CCDC7: variants seen among roughly 807,000 people sequenced by gnomAD.
CCDC7 encodes coiled-coil domain-containing protein 7.
Under a neutral mutation model 196.9 loss-of-function variants are expected in CCDC7, and 183 were observed. The ratio of observed to expected loss-of-function variants is 0.93; its 90% confidence interval spans 0.82 to 1.05. CCDC7 has a LOEUF of 1.05. Among genes scored for constraint, CCDC7 ranks in the 50% least tolerant of loss-of-function variants. CCDC7 has a pLI of 0.00. For missense variants in CCDC7, 1,540 were observed against 1,482.2 expected, an observed-to-expected ratio of 1.04 and a Z score of -0.64; for synonymous variants, 525 against 484.6, an observed-to-expected ratio of 1.08 and a Z score of -1.10.
At chr10:32,661,675 A>G (rs922168744) in intron 20 of CCDC7, among the ~76,000 whole-genome samples, 3 of 152,200 alleles carry the variant, frequency 2.0e-5, no homozygotes, top group Non-Finnish European at 4.4e-5. Context: ...AGTGTCATCC[A>G]GGAACTAAGG....
At chr10:32,729,988 T>A (rs2083684797) in intron 28 of CCDC7, among the ~76,000 whole-genome samples, 1 of 152,352 alleles carries the variant, frequency 6.6e-6, no homozygotes, top group Admixed American at 6.5e-5. Context: ...TATACTCTTT[T>A]TAAAATCAGC....
At chr10:32,749,246 A>G (rs1207792376) in intron 28 of CCDC7, among the ~76,000 whole-genome samples, 2 of 152,156 alleles carry the variant, frequency 1.3e-5, no homozygotes, top group Non-Finnish European at 2.9e-5. Flanking sequence ...ATGGAGTGAC[A>G]GTTTCTGAGA....
chr10:32,578,100 G>T (rs765510371), intron 16 of CCDC7, among the ~76,000 whole-genome samples: 1 of 152,162 alleles, frequency 6.6e-6, no homozygotes, highest in African/African-American at 2.4e-5. Flanking sequence ...TTGTTTTTAG[G>T]ATGCCTAGAC....
intron 18 of CCDC7, among the ~76,000 whole-genome samples, chr10:32,603,934 C>T (rs75673869): frequency 0.015 from 2,260 of 152,150 alleles, 45 homozygotes; most frequent in African/African-American, 0.052. Context: ...TTCTGCTGGG[C>T]AGAAGCTTTT....
chr10:32,652,409 C>G (rs781639180), intron 20 of CCDC7, among the ~76,000 whole-genome samples: 7 of 151,990 alleles, frequency 4.6e-5, no homozygotes, highest in Non-Finnish European at 8.8e-5. Context: ...CTTTAACATT[C>G]ATGGTTATTA....
intron 9 of CCDC7, among the ~76,000 whole-genome samples, chr10:32,508,820 A>T (rs1244487880): frequency 6.6e-6 from 1 of 151,564 alleles, no homozygotes; most frequent in Non-Finnish European, 1.5e-5. Context: ...TTTAGTAGAG[A>T]CGGGGTTTTA....
intron 28 of CCDC7, among the ~76,000 whole-genome samples, chr10:32,742,417 G>A (rs1031774934): frequency 2.6e-5 from 4 of 152,172 alleles, no homozygotes; most frequent in Non-Finnish European, 5.9e-5. Context: ...ACAAATGTGT[G>A]ATGACATGTA....
intron 18 of CCDC7, among the ~76,000 whole-genome samples, chr10:32,620,154 C>T (rs2063247060): frequency 6.6e-6 from 1 of 152,106 alleles, no homozygotes; most frequent in South Asian, 2.1e-4. Context: ...ATCTCCTGGC[C>T]TCAAATGATC....
chr10:32,764,980 C>CA (rs1297690422), intron 28 of CCDC7, among the ~76,000 whole-genome samples: 1 of 151,032 alleles, frequency 6.6e-6, no homozygotes, highest in African/African-American at 2.4e-5. Flanking sequence ...GTTGAAGTGA[C>CA]ACAAATGGTC....
rs145829589 is a variant in CCDC7 at position 32,797,841 on chromosome 10, C to G, written c.3014-7174C>G. 2.4e-3 allele frequency among the ~76,000 whole-genome samples: 369 copies of G among 152,176 alleles called. 2 individuals are homozygous for G. Among genetic ancestry groups the G allele is most frequent in the African/African-American group, 8.5e-3 (352 of 41,514 alleles). ...GTTGATTCAGAGCATATACAGCCTTCTGGAGAACTTTGCCCCAGCCCTGTA... is the reference window on the plus strand; with the variant it reads ...GTTGATTCAGAGCATATACAGCCTTGTGGAGAACTTTGCCCCAGCCCTGTA... On this transcript the variant is annotated intron_variant, in intron 29 of 41. Coordinates refer to ENST00000639629, the Ensembl canonical transcript of CCDC7.
chr10:32,664,228 T>A lies in CCDC7; in HGVS notation c.2122+67T>A, dbSNP rs11009022. On this transcript the variant is annotated intron_variant, in intron 21 of 41. Transcript: ENST00000639629. ...TTTATTTTTAATTGGCAAGTAAAAA[T>A]TATATACATTCATCATGTACTACAT... The A allele has an allele frequency of 9.3e-3, 3,548 of 383,498 alleles. 109 individuals carry two copies. The highest frequency in any genetic ancestry group is 0.066 in the African/African-American group (3,203 of 48,290). The allele number at this position is 383,498 out of a possible 1,614,324, so 23.8% of individuals were successfully genotyped here. A position where few individuals can be genotyped will look rare whatever the true frequency, so the allele number is the denominator to read the frequency against.
At chr10:32,882,568 A>G (rs918988838) in intron 22 of CCDC7, 125 bp from the exon 44 acceptor site, 2 of 152,222 alleles carry the variant, frequency 1.3e-5, no homozygotes, top group African/African-American at 4.8e-5. Context: ...CCTTTCAATT[A>G]GTGGAAGATA....
intron 21 of CCDC7, among the ~76,000 whole-genome samples, chr10:32,676,801 A>C (rs2075057175): frequency 6.6e-6 from 1 of 152,176 alleles, no homozygotes; most frequent in African/African-American, 2.4e-5. Flanking sequence ...CCATTGTGGA[A>C]GGCAGTGTGG....
chr10:32,502,654 C>T (rs1199079928), intron 9 of CCDC7, among the ~76,000 whole-genome samples: 1 of 151,930 alleles, frequency 6.6e-6, no homozygotes, highest in Admixed American at 6.6e-5. Context: ...CTTTTGTGGT[C>T]CCATATGAAT....
chr10:32,803,026 A>T (rs2085114423), intron 29 of CCDC7, among the ~76,000 whole-genome samples: 1 of 152,248 alleles, frequency 6.6e-6, no homozygotes, highest in East Asian at 1.9e-4. Flanking sequence ...TGCATCCTTC[A>T]ATCCAATCAC....
At chr10:32,485,774 C>T (rs2040940007) in intron 8 of CCDC7, among the ~76,000 whole-genome samples, 1 of 152,178 alleles carries the variant, frequency 6.6e-6, no homozygotes, top group Non-Finnish European at 1.5e-5. Flanking sequence ...CATTCAGGAG[C>T]AGGTTGTTCA....
At chr10:32,710,795 G>A (rs1260695711) in intron 24 of CCDC7, among the ~76,000 whole-genome samples, 10 of 152,168 alleles carry the variant, frequency 6.6e-5, no homozygotes, top group Admixed American at 6.5e-4. Context: ...CCTGCTCACA[G>A]TCATTTGTTA....
chr10:32,660,775 T>C (rs1191333282), intron 20 of CCDC7, among the ~76,000 whole-genome samples: 1 of 151,536 alleles, frequency 6.6e-6, no homozygotes, highest in African/African-American at 2.4e-5. Flanking sequence ...TAGCCATATA[T>C]AGAAAGCTGA....
At chr10:32,839,278 A>C (rs2092819310) in intron 33 of CCDC7, among the ~76,000 whole-genome samples, 1 of 151,868 alleles carries the variant, frequency 6.6e-6, no homozygotes, top group Non-Finnish European at 1.5e-5. Context: ...TCAGCACATA[A>C]AGACTCACAT....
Sources: gnomAD v4.1 joint callset for allele counts (sites outside exome capture counted in the v4.1 genomes callset) on GRCh38, gnomAD v4.1.1 for gene constraint, MANE v1.5 for transcripts, NCBI Gene and HGNC (gene_info 2026-07-23, HGNC 2026-07-21) for gene names.